CBLB: variants seen among roughly 807,000 people sequenced by gnomAD.
The protein encoded by CBLB is E3 ubiquitin-protein ligase CBL-B.
In CBLB, 31 loss-of-function variants were observed where a neutral mutation model predicts 104.9. The observed-to-expected ratio is 0.30, with a 90% CI of 0.22 to 0.40. The LOEUF is 0.40. Among genes scored for constraint, CBLB ranks in the 10% least tolerant of loss-of-function variants. The pLI is 1.00. For synonymous variants in CBLB, 440 were observed against 422.6 expected, an observed-to-expected ratio of 1.04 and a Z score of -0.51; for missense variants, 1,062 against 1,214.6, an observed-to-expected ratio of 0.87 and a Z score of 1.87.
At chr3:105,740,361 C>A in intron 7 of CBLB, 133 bp downstream of exon 7, 1 of 878,770 alleles carries the variant, frequency 1.1e-6, no homozygotes, top group African/African-American at 1.7e-5. Context: ...GAACAAAAAA[C>A]TAAGGAACAT....
chr3:105,751,724 T>C (rs2076608904), intron 4 of CBLB, 106 bp from the exon 5 acceptor site: 1 of 820,942 alleles, frequency 1.2e-6, no homozygotes, highest in African/African-American at 1.7e-5. Flanking sequence ...TAATTGTATT[T>C]GTACTACCAG....
chr3:105,854,434 A>G (rs1577896750), intron 2 of CBLB, among the ~76,000 whole-genome samples: 1 of 152,294 alleles, frequency 6.6e-6, no homozygotes, highest in East Asian at 1.9e-4. Context: ...CCCTCCAGAA[A>G]GGGCATAATC....
intron 3 of CBLB, among the ~76,000 whole-genome samples, chr3:105,787,507 A>C (rs2081162674): frequency 1.3e-5 from 2 of 152,158 alleles, no homozygotes; most frequent in South Asian, 4.1e-4. Flanking sequence ...GCTATCTACC[A>C]CTTTTATTCT....
chr3:105,729,562 G>C (rs181836060), intron 9 of CBLB, among the ~76,000 whole-genome samples: 75 of 152,142 alleles, frequency 4.9e-4, no homozygotes, highest in African/African-American at 1.6e-3. Flanking sequence ...CAAGAGAGAC[G>C]TAAGTTATTT....
chr3:105,722,624 T>C (rs1456886442), intron 9 of CBLB, among the ~76,000 whole-genome samples: 1 of 152,160 alleles, frequency 6.6e-6, no homozygotes, highest in Non-Finnish European at 1.5e-5. Context: ...CATTATTTTT[T>C]AGTACAGTGC....
At chr3:105,779,681 GA>G (rs138284135) in intron 3 of CBLB, among the ~76,000 whole-genome samples, 4 of 144,822 alleles carry the variant, frequency 2.8e-5, no homozygotes, top group Non-Finnish European at 4.6e-5. Flanking sequence ...AGCTTAAAAG[GA>G]AAAAAAAAAG....
At chr3:105,733,974 T>C (rs1231341997) in intron 9 of CBLB, 35 bp downstream of exon 9, 7 of 1,600,512 alleles carry the variant, frequency 4.4e-6, no homozygotes, top group Non-Finnish European at 5.1e-6. Flanking sequence ...TAGTAGGACA[T>C]ATAAGAAAGA....
chr3:105,733,605 C>A (rs1468492091), intron 9 of CBLB, among the ~76,000 whole-genome samples: 1 of 152,078 alleles, frequency 6.6e-6, no homozygotes, highest in Non-Finnish European at 1.5e-5. Flanking sequence ...AGGAACCATG[C>A]CTCCTCAGGA....
chr3:105,856,403 G>A (rs1180308411), intron 2 of CBLB, among the ~76,000 whole-genome samples: 1 of 150,694 alleles, frequency 6.6e-6, no homozygotes, highest in Non-Finnish European at 1.5e-5. Flanking sequence ...CTGGGGATCA[G>A]GGTTTTTTTC....
At chr3:105,677,791 A>T (rs2065834030) in intron 17 of CBLB, among the ~76,000 whole-genome samples, 1 of 149,170 alleles carries the variant, frequency 6.7e-6, no homozygotes. Flanking sequence ...TTAGTTTACT[A>T]ATATTAAACA....
At chr3:105,732,294 A>C (rs1170554265) in intron 9 of CBLB, among the ~76,000 whole-genome samples, 2 of 152,236 alleles carry the variant, frequency 1.3e-5, no homozygotes, top group Non-Finnish European at 2.9e-5. Flanking sequence ...TATTGAATGT[A>C]GTTTAAAAGG....
intron 10 of CBLB, among the ~76,000 whole-genome samples, chr3:105,712,439 A>T (rs898220525): frequency 3.0e-4 from 46 of 152,292 alleles, no homozygotes; most frequent in African/African-American, 1.1e-3. Context: ...ATTTCCATAA[A>T]AATGGCCAAG....
At chr3:105,828,605 C>T (rs1385446093) in intron 3 of CBLB, among the ~76,000 whole-genome samples, 1 of 152,104 alleles carries the variant, frequency 6.6e-6, no homozygotes, top group East Asian at 1.9e-4. Flanking sequence ...TTTAGTTCCA[C>T]ACATTTTTTT....
chr3:105,681,702 G>A (rs1263778885), intron 15 of CBLB, 22 bp downstream of exon 15: 1 of 1,597,982 alleles, frequency 6.3e-7, no homozygotes, highest in Non-Finnish European at 8.6e-7. Context: ...ACATCACAAA[G>A]GAAATTATAT....
At chr3:105,682,167 A>G (rs1576303491) in intron 14 of CBLB, 1 of 241,784 alleles carries the variant, frequency 4.1e-6, no homozygotes, top group East Asian at 9.8e-5. Flanking sequence ...GTATGTGCCA[A>G]GGCAAAAACA....
intron 3 of CBLB, among the ~76,000 whole-genome samples, chr3:105,787,648 C>T (rs2081180101): frequency 6.6e-6 from 1 of 152,326 alleles, no homozygotes; most frequent in Admixed American, 6.5e-5. Flanking sequence ...AACTTACAGA[C>T]TTTCCTCAAT....
intron 4 of CBLB, among the ~76,000 whole-genome samples, chr3:105,759,841 C>T (rs1163626218): frequency 6.6e-6 from 1 of 152,192 alleles, no homozygotes; most frequent in East Asian, 1.9e-4. Flanking sequence ...CCCACCAACT[C>T]GGAAGAGGGT....
intron 13 of CBLB, among the ~76,000 whole-genome samples, chr3:105,692,965 G>A (rs918448509): frequency 1.3e-5 from 2 of 150,792 alleles, no homozygotes; most frequent in East Asian, 1.9e-4. Context: ...CTAACTCTCC[G>A]ATCATAAGAG....
intron 13 of CBLB, among the ~76,000 whole-genome samples, chr3:105,690,393 C>A (rs938028509): frequency 1.3e-5 from 2 of 152,082 alleles, no homozygotes; most frequent in Admixed American, 1.3e-4. Flanking sequence ...GTCAGGTTTG[C>A]CATCAGTATC....
Sources: allele counts gnomAD v4.1 joint callset (sites outside exome capture counted in the v4.1 genomes callset), GRCh38; gene constraint gnomAD v4.1.1; transcripts MANE v1.5; gene names NCBI Gene and HGNC (gene_info 2026-07-23, HGNC 2026-07-21).